The following KANSL1 variants were observed in gnomAD, a reference collection of about 807,000 sequenced individuals.
The protein encoded by KANSL1 is MLL1/MLL complex subunit KANSL1.
A neutral mutation model predicts 103.6 loss-of-function variants in KANSL1; 22 were observed. That is an observed-to-expected ratio of 0.21 (90% confidence interval 0.15 to 0.30). The LOEUF (loss-of-function observed/expected upper bound fraction) is 0.30. Among genes scored for constraint, KANSL1 ranks in the 10% least tolerant of loss-of-function variants. The probability of loss-of-function intolerance (pLI) is 1.00; values close to 1 mark genes in which losing one functional copy is unlikely to be tolerated. For synonymous variants in KANSL1, 600 were observed against 527.6 expected, an observed-to-expected ratio of 1.14 and a Z score of -1.88; for missense variants, 1,337 against 1,399.8, an observed-to-expected ratio of 0.96 and a Z score of 0.72.
intron 1 of KANSL1, among the ~76,000 whole-genome samples, chr17:46,219,553 G>A (rs1415782663): frequency 1.3e-5 from 2 of 152,230 alleles, no homozygotes; most frequent in African/African-American, 4.8e-5. Flanking sequence ...TTTTAGTAGA[G>A]ATGGGGTTTT....
intron 2 of KANSL1, among the ~76,000 whole-genome samples, chr17:46,153,303 T>C (rs1449040332): frequency 6.6e-6 from 1 of 152,242 alleles, no homozygotes; most frequent in Non-Finnish European, 1.5e-5. Flanking sequence ...TCTTTAAATT[T>C]CCCTTCTAGA....
chr17:46,171,603 G>A lies in KANSL1; in HGVS notation c.541C>T (p.Arg181Trp), dbSNP rs375225315. 61 of 1,583,346 alleles carry A rather than the reference G, an allele frequency of 3.9e-5. No homozygotes were observed. The highest frequency in any genetic ancestry group is 1.2e-4 in the African/African-American group (9 of 73,184). Residue 181 changes from arginine (R) to tryptophan (W), a missense_variant, in exon 2 of 15, where the codon CGG becomes TGG. Arg to Trp is a moderately radical substitution (Grantham distance 101). Around this residue, in one of 2 missense-constraint regions of KANSL1, gnomAD observed 557 missense variants for 476.4 expected, o/e 1.17. Coordinates refer to ENST00000432791, the MANE Select transcript of KANSL1 (RefSeq NM_015443.4). ...DNSTSLNGGK[R>W]ALTSSALHGG... ...TGAAGAGCAGATGAAGTGAGAGCCC[G>A]TTTTCCCCCATTGAGGGAAGTGGAA...
At chr17:46,071,139 G>A (rs1487519130) in intron 4 of KANSL1, among the ~76,000 whole-genome samples, 1 of 152,084 alleles carries the variant, frequency 6.6e-6, no homozygotes. Context: ...TTTTCTTATA[G>A]AAACCTGAAT....
intron 1 of KANSL1, among the ~76,000 whole-genome samples, chr17:46,220,118 A>G (rs1208026668): frequency 2.0e-5 from 3 of 152,184 alleles, no homozygotes; most frequent in African/African-American, 7.2e-5. Context: ...AACAAAAACA[A>G]AAACAAAAAA....
At chr17:46,167,799 T>C (rs868234503) in intron 2 of KANSL1, among the ~76,000 whole-genome samples, 13 of 152,270 alleles carry the variant, frequency 8.5e-5, no homozygotes, top group Non-Finnish European at 1.0e-4. Flanking sequence ...AATCATTCTA[T>C]AGCTAGCATG....
intron 1 of KANSL1, among the ~76,000 whole-genome samples, chr17:46,212,508 C>T (rs1223457202): frequency 3.3e-5 from 5 of 152,190 alleles, no homozygotes; most frequent in African/African-American, 9.7e-5. Context: ...CATGAGCCAC[C>T]GCACCCGGCC....
At chr17:46,114,118 T>C (rs2042939948) in intron 2 of KANSL1, among the ~76,000 whole-genome samples, 1 of 152,130 alleles carries the variant, frequency 6.6e-6, no homozygotes, top group Non-Finnish European at 1.5e-5. Context: ...CCCAGCACAA[T>C]GGGAGGCCGA....
chr17:46,032,692 A>C (rs963066350), intron 13 of KANSL1: 1 of 329,112 alleles, frequency 3.0e-6, no homozygotes, highest in East Asian at 5.1e-5. Context: ...GTAGTGATGG[A>C]CGTTAAGGGG....
intron 6 of KANSL1, among the ~76,000 whole-genome samples, chr17:46,060,201 A>C (rs913380899): frequency 1.6e-4 from 24 of 152,334 alleles, no homozygotes; most frequent in South Asian, 2.1e-4. Context: ...CGTCCAAAAC[A>C]CTAAAAGAAT....
chr17:46,070,365 TAAC>T (rs981084921), intron 4 of KANSL1, among the ~76,000 whole-genome samples: 4 of 152,124 alleles, frequency 2.6e-5, no homozygotes, highest in East Asian at 1.9e-4. Context: ...CATACACAGA[TAAC>T]AACAAGACAA....
intron 2 of KANSL1, among the ~76,000 whole-genome samples, chr17:46,142,127 G>A (rs1029751104): frequency 6.6e-6 from 1 of 152,150 alleles, no homozygotes; most frequent in Admixed American, 6.5e-5. Context: ...ATAAAAACAT[G>A]TACAAGGAAA....
chr17:46,205,485 T>A (rs2047935726), intron 1 of KANSL1, among the ~76,000 whole-genome samples: 1 of 151,348 alleles, frequency 6.6e-6, no homozygotes, highest in African/African-American at 2.4e-5. Context: ...AGTTCAAGAC[T>A]AGCCTAGCCA....
chr17:46,188,047 T>C (rs989120091), intron 1 of KANSL1, among the ~76,000 whole-genome samples: 71 of 152,348 alleles, frequency 4.7e-4, no homozygotes, highest in African/African-American at 1.7e-3. Flanking sequence ...CTCCTATGTA[T>C]TTTGTTCTAC....
intron 1 of KANSL1, among the ~76,000 whole-genome samples, chr17:46,216,912 C>G (rs1042898772): frequency 2.6e-5 from 4 of 152,050 alleles, no homozygotes; most frequent in Non-Finnish European, 5.9e-5. Flanking sequence ...TCAATATCAG[C>G]CTGGGCAACA....
intron 1 of KANSL1, among the ~76,000 whole-genome samples, chr17:46,205,079 C>G (rs1341578584): frequency 6.6e-6 from 1 of 152,152 alleles, no homozygotes; most frequent in Admixed American, 6.5e-5. Flanking sequence ...ACTCTTACCA[C>G]TCTGTTTAAC....
intron 7 of KANSL1, chr17:46,045,447 A>ATATATATATATATATC: frequency 6.6e-6 from 1 of 151,912 alleles, no homozygotes; most frequent in Admixed American, 6.6e-5. Context: ...AAAAATATAT[A>ATATATATATATATATC]TATATCTCCA....
At chr17:46,205,392 A>G (rs570352778) in intron 1 of KANSL1, among the ~76,000 whole-genome samples, 3 of 150,334 alleles carry the variant, frequency 2.0e-5, no homozygotes, top group Non-Finnish European at 4.5e-5. Context: ...AAAAAAAAAG[A>G]CTTAGAAAGC....
intron 4 of KANSL1, among the ~76,000 whole-genome samples, chr17:46,078,963 T>C (rs1411569005): frequency 6.6e-6 from 1 of 152,092 alleles, no homozygotes; most frequent in Admixed American, 6.5e-5. Context: ...CCCGTTAAGT[T>C]TTCTCTCCCT....
At chr17:46,041,916 T>TGTGTA (rs2077338121) in intron 7 of KANSL1, 2 of 80,736 alleles carry the variant, frequency 2.5e-5, no homozygotes, top group African/African-American at 9.8e-5. Flanking sequence ...GTGTGTATAT[T>TGTGTA]TTTTTTTTTT....
Sources: gnomAD v4.1 joint callset for allele counts (sites outside exome capture counted in the v4.1 genomes callset) on GRCh38, gnomAD v4.1.1 for gene constraint, gnomAD v4.1.1 regional missense constraint, MANE v1.5 for transcripts, NCBI Gene and HGNC (gene_info 2026-07-23, HGNC 2026-07-21) for gene names.